Variants in NKAIN3 observed in about 807,000 individuals in gnomAD.
NKAIN3 encodes the protein sodium/potassium-transporting ATPase subunit beta-1-interacting protein 3.
NKAIN3 carries 25 observed loss-of-function variants against 30.2 expected under a neutral mutation model. That is an observed-to-expected ratio of 0.83 (90% CI 0.60 to 1.16). The LOEUF (loss-of-function observed/expected upper bound fraction) is 1.16. Ranked by LOEUF, NKAIN3 falls within the 50% of genes most tolerant of loss-of-function variation. The pLI is 0.00. For missense variants in NKAIN3, 225 were observed against 254.1 expected, an observed-to-expected ratio of 0.89 and a Z score of 0.78; for synonymous variants, 91 against 89.6, an observed-to-expected ratio of 1.02 and a Z score of -0.09.
At chr8:62,742,338 G>C (rs1463665176) in intron 3 of NKAIN3, among the ~76,000 whole-genome samples, 1 of 152,128 alleles carries the variant, frequency 6.6e-6, no homozygotes, top group African/African-American at 2.4e-5. Flanking sequence ...GGATGACAAA[G>C]GTCTAAAGTA....
intron 1 of NKAIN3, among the ~76,000 whole-genome samples, chr8:62,411,434 G>A (rs1363388355): frequency 6.6e-6 from 1 of 152,070 alleles, no homozygotes; most frequent in Non-Finnish European, 1.5e-5. Context: ...CAAACCTACA[G>A]CCAACATCAT....
intron 3 of NKAIN3, among the ~76,000 whole-genome samples, chr8:62,632,072 T>A (rs957561469): frequency 2.6e-5 from 4 of 152,080 alleles, no homozygotes; most frequent in African/African-American, 4.8e-5. Context: ...TGCAAGTGGG[T>A]CACACCCAAG....
intron 4 of NKAIN3, among the ~76,000 whole-genome samples, chr8:62,878,607 T>A (rs1053450346): frequency 2.6e-5 from 4 of 151,870 alleles, no homozygotes; most frequent in African/African-American, 9.7e-5. Flanking sequence ...GGTGTGCTGC[T>A]CCCATTAACT....
chr8:62,508,181 G>A (rs140477891), intron 1 of NKAIN3, among the ~76,000 whole-genome samples: 52 of 152,304 alleles, frequency 3.4e-4, no homozygotes, highest in African/African-American at 1.1e-3. Flanking sequence ...ATTAGAGAGT[G>A]GTGAACCCTC....
At chr8:62,276,112 C>T (rs1327392498) in intron 1 of NKAIN3, among the ~76,000 whole-genome samples, 8 of 152,154 alleles carry the variant, frequency 5.3e-5, no homozygotes, top group Admixed American at 3.3e-4. Context: ...GTCACCCAGG[C>T]TGGAGTGCAG....
intron 3 of NKAIN3, among the ~76,000 whole-genome samples, chr8:62,699,435 T>C (rs1007494027): frequency 6.6e-6 from 1 of 152,316 alleles, no homozygotes; most frequent in South Asian, 2.1e-4. Flanking sequence ...GCTAATGAAA[T>C]AAACTGCTTT....
At chr8:62,275,618 CAT>C (rs1266149976) in intron 1 of NKAIN3, among the ~76,000 whole-genome samples, 1 of 152,090 alleles carries the variant, frequency 6.6e-6, no homozygotes, top group Non-Finnish European at 1.5e-5. Flanking sequence ...GTGTGTGAAA[CAT>C]AGCTAAATGT....
At chr8:62,296,949 C>A (rs1023626433) in intron 1 of NKAIN3, among the ~76,000 whole-genome samples, 1 of 152,238 alleles carries the variant, frequency 6.6e-6, no homozygotes, top group East Asian at 1.9e-4. Context: ...GACCCAAGAC[C>A]CTCACATTCT....
chr8:62,899,170 G>A (rs1824000), intron 4 of NKAIN3, among the ~76,000 whole-genome samples: 70,319 of 152,016 alleles, frequency 0.46, 17,901 homozygotes, highest in African/African-American at 0.69. Flanking sequence ...AGAACAGTTT[G>A]GAGGTTTCTC....
intron 4 of NKAIN3, among the ~76,000 whole-genome samples, chr8:62,808,033 T>C (rs1193873174): frequency 1.3e-5 from 2 of 152,088 alleles, no homozygotes; most frequent in South Asian, 2.1e-4. Flanking sequence ...AATTTTATCT[T>C]CTTTTTGAAC....
chr8:62,954,225 AACTAC>A (rs1823359991), intron 6 of NKAIN3, among the ~76,000 whole-genome samples: 1 of 152,186 alleles, frequency 6.6e-6, no homozygotes, highest in African/African-American at 2.4e-5. Context: ...AATAGTTGGT[AACTAC>A]ATTTTTTAAT....
At position 62,974,142 on chromosome 8, in the gene NKAIN3, A is replaced by G. The variant is rs1180487383; in HGVS notation, c.*8735A>G. On this transcript the variant is annotated 3_prime_UTR_variant, in exon 7 of 7. Coordinates refer to ENST00000623646, the MANE Select transcript of NKAIN3 (RefSeq NM_001304533.3). ...CTTTTTGCTTAGGATTGTTTTGGCTATATGGGCTCTTTTTGGTTCCCTATG... is the reference window on the plus strand; with the variant it reads ...CTTTTTGCTTAGGATTGTTTTGGCTGTATGGGCTCTTTTTGGTTCCCTATG... Among the ~76,000 whole-genome samples the G allele has an allele frequency of 6.6e-6, 1 of 152,196 alleles. No individual in the cohort carries two copies. The highest frequency in any genetic ancestry group is 2.1e-4 in the South Asian group (1 of 4,826).
intron 1 of NKAIN3, among the ~76,000 whole-genome samples, chr8:62,306,862 G>A (rs1449575432): frequency 6.8e-6 from 1 of 147,694 alleles, no homozygotes; most frequent in Non-Finnish European, 1.5e-5. Context: ...TGCTCACCAA[G>A]AAAAATTAAC....
At chr8:62,458,876 C>T (rs1173803869) in intron 1 of NKAIN3, among the ~76,000 whole-genome samples, 1 of 152,168 alleles carries the variant, frequency 6.6e-6, no homozygotes, top group Non-Finnish European at 1.5e-5. Flanking sequence ...AGGGACGAGT[C>T]TATTTTGGAA....
chr8:62,577,132 C>G (rs1167984834), intron 1 of NKAIN3, among the ~76,000 whole-genome samples: 1 of 151,884 alleles, frequency 6.6e-6, no homozygotes, highest in Non-Finnish European at 1.5e-5. Flanking sequence ...TTACAGCTGC[C>G]CTTCTCTGTA....
intron 4 of NKAIN3, among the ~76,000 whole-genome samples, chr8:62,795,851 A>C (rs1431192907): frequency 6.6e-6 from 1 of 152,138 alleles, no homozygotes; most frequent in African/African-American, 2.4e-5. Flanking sequence ...TGAAATTACT[A>C]TGTATTAATC....
intron 5 of NKAIN3, among the ~76,000 whole-genome samples, chr8:62,993,314 T>C (rs907056809): frequency 6.6e-6 from 1 of 152,344 alleles, no homozygotes. Flanking sequence ...ACAAATAGTT[T>C]CGTTTAGTAT....
chr8:62,352,494 A>G (rs564568711), intron 1 of NKAIN3, among the ~76,000 whole-genome samples: 3 of 152,306 alleles, frequency 2.0e-5, no homozygotes, highest in South Asian at 4.2e-4. Flanking sequence ...TCAAATAAAA[A>G]CATGCACAGA....
intron 5 of NKAIN3, among the ~76,000 whole-genome samples, chr8:62,932,286 T>G (rs7824795): frequency 0.78 from 118,653 of 152,168 alleles, 47,120 homozygotes; most frequent in East Asian, 0.97. Context: ...ATACAGAGAT[T>G]AATAAAACTC....
Sources: allele counts gnomAD v4.1 joint callset (sites outside exome capture counted in the v4.1 genomes callset), GRCh38; gene constraint gnomAD v4.1.1; transcripts MANE v1.5; gene names NCBI Gene and HGNC (gene_info 2026-07-23, HGNC 2026-07-21).